The following UBE2E2 variants were observed in gnomAD, a reference collection of about 807,000 sequenced individuals.
The protein encoded by UBE2E2 is ubiquitin-conjugating enzyme E2 E2.
Under a neutral mutation model 24.7 loss-of-function variants are expected in UBE2E2, and 6 were observed. That is an observed-to-expected ratio of 0.24 (90% confidence interval 0.13 to 0.48). The LOEUF is 0.48. Ranked by LOEUF, UBE2E2 falls within the 20% of genes least tolerant of loss-of-function variation. The probability of loss-of-function intolerance (pLI) is 0.99; values close to 1 mark genes in which losing one functional copy is unlikely to be tolerated. For missense variants in UBE2E2, 169 were observed against 245.0 expected (o/e 0.69, Z 2.07); for synonymous variants, 104 against 83.6 (o/e 1.24, Z -1.33).
chr3:23,242,293 G>A (rs886324916), intron 3 of UBE2E2, among the ~76,000 whole-genome samples: 1 of 151,840 alleles, frequency 6.6e-6, no homozygotes, highest in African/African-American at 2.4e-5. Flanking sequence ...TACAAATAAA[G>A]GTCTGCTGTA....
chr3:23,354,019 G>T (rs1031387819), intron 3 of UBE2E2, among the ~76,000 whole-genome samples: 2 of 152,138 alleles, frequency 1.3e-5, no homozygotes, highest in Admixed American at 6.5e-5. Context: ...AAGCAGCATG[G>T]TACTGGTACC....
At chr3:23,477,981 C>T (rs1164766228) in intron 3 of UBE2E2, among the ~76,000 whole-genome samples, 1 of 152,232 alleles carries the variant, frequency 6.6e-6, no homozygotes, top group East Asian at 1.9e-4. Flanking sequence ...CCACTTCTGC[C>T]ATGATTGTCA....
At chr3:23,273,544 A>AG (rs1698306426) in intron 3 of UBE2E2, among the ~76,000 whole-genome samples, 1 of 143,976 alleles carries the variant, frequency 6.9e-6, no homozygotes, top group African/African-American at 2.6e-5. Context: ...AAAAAAAAAA[A>AG]GAGAGAGAAA....
intron 3 of UBE2E2, among the ~76,000 whole-genome samples, chr3:23,396,276 G>T (rs60632986): frequency 0.47 from 68,961 of 146,822 alleles, 16,474 homozygotes; most frequent in South Asian, 0.57. Flanking sequence ...CAAAGTTCTT[G>T]ACCTCATAGT....
At chr3:23,275,240 G>A (rs917061697) in intron 3 of UBE2E2, among the ~76,000 whole-genome samples, 3 of 152,196 alleles carry the variant, frequency 2.0e-5, no homozygotes, top group African/African-American at 7.2e-5. Flanking sequence ...GAGAAGCGGT[G>A]CTAAGAGAGA....
chr3:23,433,467 A>C (rs1457132828), intron 3 of UBE2E2, among the ~76,000 whole-genome samples: 3 of 151,980 alleles, frequency 2.0e-5, no homozygotes, highest in African/African-American at 7.2e-5. Context: ...TCAACAGTGA[A>C]TGTTAATGAT....
intron 3 of UBE2E2, among the ~76,000 whole-genome samples, chr3:23,332,499 A>C (rs1416914120): frequency 6.6e-6 from 1 of 152,204 alleles, no homozygotes; most frequent in Non-Finnish European, 1.5e-5. Flanking sequence ...CTGGGGAAAA[A>C]CATTTAAAAG....
chr3:23,265,953 A>C (rs1698036311), intron 3 of UBE2E2, among the ~76,000 whole-genome samples: 1 of 152,102 alleles, frequency 6.6e-6, no homozygotes, highest in African/African-American at 2.4e-5. Context: ...GTTTTATCAG[A>C]GACTAGGATT....
intron 3 of UBE2E2, among the ~76,000 whole-genome samples, chr3:23,393,535 T>A (rs1315633167): frequency 6.6e-6 from 1 of 152,188 alleles, no homozygotes; most frequent in African/African-American, 2.4e-5. Flanking sequence ...AATCTGTGTT[T>A]TAACAAGTTT....
chr3:23,298,213 T>A (rs535374981), intron 3 of UBE2E2, among the ~76,000 whole-genome samples: 4 of 152,082 alleles, frequency 2.6e-5, no homozygotes, highest in Non-Finnish European at 4.4e-5. Flanking sequence ...TTTCTAGATA[T>A]ACAATCATGT....
At chr3:23,358,678 CTT>C (rs1380513613) in intron 3 of UBE2E2, among the ~76,000 whole-genome samples, 1 of 152,102 alleles carries the variant, frequency 6.6e-6, no homozygotes, top group Non-Finnish European at 1.5e-5. Flanking sequence ...GCTTCTACCT[CTT>C]TTATTTAAAA....
At position 23,203,469 on chromosome 3, in the gene UBE2E2, T is replaced by G. The variant is rs1696024147; in HGVS notation, c.-9+5T>G. ...GCACGGACACCCCCCCCTCAGGTAT[T>G]CGCTCGGGCCGCGCCGGTGCCTCCC... is the stretch of plus-strand genomic sequence containing the variant. On this transcript the variant is annotated splice_donor_5th_base_variant and intron_variant, in intron 1 of 5. Transcript: ENST00000396703. 1 of 968,768 alleles carries G rather than the reference T, an allele frequency of 1.0e-6. No homozygotes were observed. The highest frequency in any genetic ancestry group is 1.2e-6 in the Non-Finnish European group (1 of 826,008). The allele number at this position is 968,768 out of a possible 1,614,324, so 60.0% of individuals were successfully genotyped here.
At chr3:23,471,171 C>T (rs1236479855) in intron 3 of UBE2E2, among the ~76,000 whole-genome samples, 3 of 152,112 alleles carry the variant, frequency 2.0e-5, no homozygotes, top group Non-Finnish European at 2.9e-5. Flanking sequence ...AGGACAGCCC[C>T]AGTTTTTCAA....
chr3:23,357,310 A>T (rs1010378726), intron 3 of UBE2E2, among the ~76,000 whole-genome samples: 1 of 152,098 alleles, frequency 6.6e-6, no homozygotes, highest in African/African-American at 2.4e-5. Context: ...GCTTTTTTTA[A>T]TCTACCCATT....
At chr3:23,376,184 C>G (rs1309106404) in intron 3 of UBE2E2, among the ~76,000 whole-genome samples, 2 of 152,060 alleles carry the variant, frequency 1.3e-5, no homozygotes, top group Non-Finnish European at 2.9e-5. Flanking sequence ...TTCAGGTGGG[C>G]CACTATCTAA....
At chr3:23,366,867 T>G (rs1696270108) in intron 3 of UBE2E2, among the ~76,000 whole-genome samples, 1 of 152,188 alleles carries the variant, frequency 6.6e-6, no homozygotes, top group Non-Finnish European at 1.5e-5. Flanking sequence ...TTTAGTTCAA[T>G]TAAGAAAATT....
chr3:23,401,312 A>G (rs1697216107), intron 3 of UBE2E2, among the ~76,000 whole-genome samples: 1 of 152,226 alleles, frequency 6.6e-6, no homozygotes, highest in Admixed American at 6.5e-5. Flanking sequence ...ATGAAAAGAA[A>G]ACAAGAATAA....
At chr3:23,216,861 A>G (rs938947292) in intron 2 of UBE2E2, among the ~76,000 whole-genome samples, 5 of 152,162 alleles carry the variant, frequency 3.3e-5, no homozygotes, top group African/African-American at 1.2e-4. Flanking sequence ...ATCCCGAATC[A>G]TTTGATTCTA....
intron 3 of UBE2E2, among the ~76,000 whole-genome samples, chr3:23,366,875 AT>A (rs907845955): frequency 6.6e-6 from 1 of 152,224 alleles, no homozygotes; most frequent in Non-Finnish European, 1.5e-5. Flanking sequence ...AATTAAGAAA[AT>A]TTGTATAACA....
Sources: gnomAD v4.1 joint callset for allele counts (sites outside exome capture counted in the v4.1 genomes callset) on GRCh38, gnomAD v4.1.1 for gene constraint, MANE v1.5 for transcripts, NCBI Gene and HGNC (gene_info 2026-07-23, HGNC 2026-07-21) for gene names.